The following ERMN variants were observed in gnomAD, a reference collection of about 807,000 sequenced individuals.
ERMN encodes the protein ermin, ERM-like protein.
In ERMN, 17 loss-of-function variants were observed where a neutral mutation model predicts 21.4. The ratio of observed to expected loss-of-function variants is 0.80; its 90% CI spans 0.54 to 1.19. ERMN has a LOEUF of 1.19. Ranked by LOEUF, ERMN falls within the 50% of genes most tolerant of loss-of-function variation. ERMN has a pLI of 0.00. For missense variants in ERMN, 348 were observed against 331.6 expected, an observed-to-expected ratio of 1.05 and a Z score of -0.38; for synonymous variants, 115 against 111.9, an observed-to-expected ratio of 1.03 and a Z score of -0.17.
upstream of ERMN, among the ~76,000 whole-genome samples, chr2:157,326,598 C>G (rs1444645687): frequency 2.0e-5 from 3 of 152,106 alleles, no homozygotes; most frequent in African/African-American, 7.2e-5. Context: ...TTGGGAGAAA[C>G]AGGTGATTAT....
At chr2:157,324,596 C>CA in intron 2 of ERMN, 74 bp downstream of exon 2, 1 of 1,223,624 alleles carries the variant, frequency 8.2e-7, no homozygotes, top group Non-Finnish European at 1.2e-6. Flanking sequence ...CACGCTCATG[C>CA]AACATTTCAT....
Position 157,321,759 on chromosome 2 carries a change from T to C in ERMN, c.367A>G (p.Ser123Gly), listed in dbSNP as rs140855571. 7.5e-4 allele frequency: 1,211 copies of C among 1,612,132 alleles called. 8 individuals carry two copies. In the African/African-American group the frequency reaches 0.015, roughly 19 times the overall value. The part of the protein sequence containing the change: ...HQWEKIPLSG[S>G]NQEIRRQKER... ...TTCTGTCTTCTTATTTCCTGGTTAC[T>C]GCCACTCAGAGGAATCTTCTCCCAC... The change falls in exon 3 of 3, where the codon AGT becomes GGT. Residue 123 changes from serine to glycine, a missense_variant. Coordinates refer to ENST00000410096, the MANE Select transcript of ERMN (RefSeq NM_020711.3).
chr2:157,325,058 C>A (rs1406802608), intron 1 of ERMN: 12 of 411,148 alleles, frequency 2.9e-5, no homozygotes, highest in South Asian at 2.3e-4. Context: ...ATTTTGAATT[C>A]TCTTTGTTCA....
chr2:157,325,256 G>C (rs1436051928), intron 1 of ERMN, 146 bp downstream of exon 1: 1 of 1,087,658 alleles, frequency 9.2e-7, no homozygotes. Flanking sequence ...ACCAGAGGCA[G>C]AGGTTTAGTC....
chr2:157,324,151 A>C (rs1487090026), intron 2 of ERMN: 1 of 259,844 alleles, frequency 3.8e-6, no homozygotes, highest in Middle Eastern at 1.3e-3. Context: ...AGGTGCCTGT[A>C]ATCCCAGTTA....
Position 157,321,723 on chromosome 2 carries a change from T to G in ERMN, c.403A>C (p.Thr135Pro). 1.2e-6 allele frequency: 2 copies of G among 1,613,970 alleles called. No homozygotes were observed. The highest frequency in any genetic ancestry group is 1.7e-6 in the Non-Finnish European group (2 of 1,179,976). The change falls in exon 3 of 3, where the codon ACT becomes CCT. Residue 135 changes from threonine (T) to proline (P), a missense_variant. Coordinates refer to ENST00000410096, the MANE Select transcript of ERMN (RefSeq NM_020711.3). ...TCTTCCTCTTTGAGAGGCTGCTCAG[T>G]AATCCTCTCCTTCTGTCTTCTTATT... ...QEIRRQKERI[T>P]EQPLKEEEDE...
At position 157,324,710 on chromosome 2, in the gene ERMN, A is replaced by G; in HGVS notation, c.294T>C (p.Ser98=). Residue 98 remains serine, a synonymous_variant, in exon 2 of 3, where the codon TCT becomes TCC. Transcript: ENST00000410096. ...TTTCATCAGCACTAGTTTCTTGGAG[A>G]GAAAGATCTGTGATAGCCTTATGAA... ...FIVHKAITDL[S]LQETSADEMT... is the part of the protein sequence containing the mutation. 6.2e-7 allele frequency: 1 copy of G among 1,613,752 alleles called. No individual in the cohort carries two copies. The highest frequency in any genetic ancestry group is 1.3e-5 in the African/African-American group (1 of 75,040).
intron 2 of ERMN, among the ~76,000 whole-genome samples, chr2:157,323,199 G>A (rs1683959737): frequency 6.6e-6 from 1 of 152,092 alleles, no homozygotes; most frequent in African/African-American, 2.4e-5. Flanking sequence ...TTCTCCATTT[G>A]ATGAAAATGA....
intron 2 of ERMN, chr2:157,324,153 TC>T: frequency 3.9e-6 from 1 of 257,798 alleles, no homozygotes. Flanking sequence ...GTGCCTGTAA[TC>T]CCAGTTACTC....
chr2:157,321,328 G>T lies in ERMN; in HGVS notation c.798C>A (p.Ile266=). The T allele has an allele frequency of 6.2e-7, 1 of 1,613,922 alleles. No homozygotes were observed. The highest frequency in any genetic ancestry group is 1.1e-5 in the South Asian group (1 of 91,064). ...TTCTTTGCTTGGTATTTCCCTTTCT[G>T]ATTTTCCGATAGGATATTGTATTGT... ...SRYNTISYRK[I]RKGNTKQRID... Residue 266 remains isoleucine (I), a synonymous_variant, in exon 3 of 3, where the codon ATC becomes ATA. Transcript: ENST00000410096.
chr2:157,325,741 C>T lies in ERMN; in HGVS notation c.-99G>A. On this transcript the variant is annotated 5_prime_UTR_variant, in exon 1 of 3. Transcript: ENST00000410096. ...GCTCTTGCCTTCAAGTCCTATAGTT[C>T]CAACTCCTACTCTAAGAGCACAAAT... 6.3e-7 allele frequency: 1 copy of T among 1,583,670 alleles called. No individual in the cohort carries two copies. The highest frequency in any genetic ancestry group is 1.2e-5 in the South Asian group (1 of 86,778).
chr2:157,324,798 T>C (rs1045217706), intron 1 of ERMN, 36 bp from the exon 2 acceptor site: 10 of 1,429,184 alleles, frequency 7.0e-6, no homozygotes, highest in Non-Finnish European at 7.7e-6. Flanking sequence ...TTTTAACATT[T>C]AAAATATTTA....
rs1329773957 is a variant in ERMN at position 157,319,566 on chromosome 2, G to T, written c.*1705C>A. 2 of 152,128 alleles carry T rather than the reference G, an allele frequency of 1.3e-5. No individual in the cohort carries two copies. The highest frequency in any genetic ancestry group is 2.9e-5 in the Non-Finnish European group (2 of 68,006). The allele number at this position is 152,128 out of a possible 1,614,324, so 9.4% of individuals were successfully genotyped here. On this transcript the variant is annotated 3_prime_UTR_variant, in exon 3 of 3. Coordinates refer to ENST00000410096, the MANE Select transcript of ERMN (RefSeq NM_020711.3). ...GAAAAGAAAACAGCTTGTCCATGTA[G>T]AAAGATTAGAGGATCTAAATTAAAT...
intron 1 of ERMN, 97 bp downstream of exon 1, chr2:157,325,305 G>T: frequency 6.7e-7 from 1 of 1,496,990 alleles, no homozygotes; most frequent in Non-Finnish European, 9.3e-7. Context: ...CTACATTTTT[G>T]GGGTGTCCAG....
upstream of ERMN, chr2:157,326,020 C>T: frequency 1.1e-6 from 1 of 900,158 alleles, no homozygotes; most frequent in Non-Finnish European, 1.4e-6. Context: ...GTCAGTCCCC[C>T]TCTGGGAACA....
At chr2:157,327,541 C>A, upstream of ERMN, 1 of 765,876 alleles carries the variant, frequency 1.3e-6, no homozygotes, top group South Asian at 1.4e-5. Context: ...AAATGAAGTG[C>A]AGAGAGATTA....
chr2:157,327,417 C>T (rs1006240846), upstream of ERMN: 7 of 775,416 alleles, frequency 9.0e-6, no homozygotes, highest in Non-Finnish European at 1.7e-5. Flanking sequence ...GCTCATATCA[C>T]ACTTATTATG....
intron 2 of ERMN, among the ~76,000 whole-genome samples, 157 bp from the exon 3 acceptor site, chr2:157,321,948 A>G (rs1015504814): frequency 6.6e-6 from 1 of 152,246 alleles, no homozygotes; most frequent in African/African-American, 2.4e-5. Context: ...TTGCACAAAC[A>G]GGCTACACAG....
In ERMN at chr2:157,325,508, T is replaced by G. The variant is rs765129704; in HGVS notation, c.135A>C (p.Val45=). The G allele has an allele frequency of 7.4e-6, 12 of 1,614,222 alleles. No homozygotes were observed. Among genetic ancestry groups the G allele is most frequent in the Non-Finnish European group, 1.0e-5 (12 of 1,180,028 alleles). ...TGAGTGCACCTTCCAGACTGGGTTC[T>G]ACCCTGTAGTGTGGCAGGGGGCTGT... The part of the protein sequence containing the change: ...DVDSPLPHYR[V]EPSLEGALTK... The change falls in exon 1 of 3, where the codon GTA becomes GTC. Residue 45 remains valine (V), a synonymous_variant. Coordinates refer to ENST00000410096, the MANE Select transcript of ERMN (RefSeq NM_020711.3).
Sources: allele counts gnomAD v4.1 joint callset (sites outside exome capture counted in the v4.1 genomes callset), GRCh38; gene constraint gnomAD v4.1.1; transcripts MANE v1.5; gene names NCBI Gene and HGNC (gene_info 2026-07-23, HGNC 2026-07-21).